Variants in ROBO1 observed in about 807,000 individuals in gnomAD.
ROBO1 encodes the protein roundabout homolog 1.
In ROBO1, 149 loss-of-function variants were observed where a neutral mutation model predicts 195.9. That is an observed-to-expected ratio of 0.76 (90% CI 0.67 to 0.87). The LOEUF (loss-of-function observed/expected upper bound fraction) is 0.87. ROBO1 is among the 40% of genes least tolerant of loss of function. The pLI is 0.00. For missense variants in ROBO1, 1,933 were observed against 2,068.3 expected (o/e 0.93, Z 1.27); for synonymous variants, 816 against 733.2 (o/e 1.11, Z -1.82).
At chr3:79,180,318 C>T (rs1437904391) in intron 2 of ROBO1, among the ~76,000 whole-genome samples, 2 of 152,200 alleles carry the variant, frequency 1.3e-5, no homozygotes, top group Non-Finnish European at 2.9e-5. Context: ...TTATTTCAGG[C>T]ACTGCCATAG....
rs559333582 is a variant in ROBO1 at position 78,810,281 on chromosome 3, T to C, written c.500-63381A>G. On this transcript the variant is annotated intron_variant, in intron 4 of 30. Transcript: ENST00000464233. ...TTTGGCTGGTTCACTCCAAATCAAC[T>C]GTTATCCCTTGTCCAACAACTGCAG... Among the ~76,000 whole-genome samples, 4 of 152,310 alleles carry C rather than the reference T, an allele frequency of 2.6e-5. No homozygotes were observed. The East Asian group carries it at 5.8e-4, about 22-fold the overall frequency.
At chr3:78,621,138 G>GA (rs1575789162) in intron 26 of ROBO1, among the ~76,000 whole-genome samples, 1 of 151,748 alleles carries the variant, frequency 6.6e-6, no homozygotes, top group Non-Finnish European at 1.5e-5. Context: ...GGAGAAATAT[G>GA]AAAAATGTGC....
At chr3:78,723,581 G>C (rs1030726991) in intron 5 of ROBO1, among the ~76,000 whole-genome samples, 6 of 152,010 alleles carry the variant, frequency 3.9e-5, no homozygotes, top group Non-Finnish European at 7.4e-5. Context: ...CTTAATGGAG[G>C]CAATCACCCT....
chr3:79,571,571 C>G (rs903816107), intron 2 of ROBO1, among the ~76,000 whole-genome samples: 1 of 151,918 alleles, frequency 6.6e-6, no homozygotes, highest in African/African-American at 2.4e-5. Flanking sequence ...ATAAAGACAA[C>G]AGATGACTGA....
chr3:79,757,912 T>G (rs1704492394), intron 1 of ROBO1, among the ~76,000 whole-genome samples: 1 of 152,198 alleles, frequency 6.6e-6, no homozygotes, highest in Admixed American at 6.5e-5. Flanking sequence ...ATTTAAAGAA[T>G]TCACCAAAAA....
At chr3:78,878,687 C>T (rs1384968230) in intron 4 of ROBO1, among the ~76,000 whole-genome samples, 1 of 150,040 alleles carries the variant, frequency 6.7e-6, no homozygotes, top group Non-Finnish European at 1.5e-5. Context: ...CTGTCTCAAT[C>T]ATAAAAAAGT....
At chr3:78,782,718 C>T (rs1407711942) in intron 4 of ROBO1, among the ~76,000 whole-genome samples, 1 of 152,138 alleles carries the variant, frequency 6.6e-6, no homozygotes, top group African/African-American at 2.4e-5. Flanking sequence ...AACGACAAAA[C>T]AGATATTTTC....
chr3:79,543,289 A>C (rs1942144522), intron 2 of ROBO1, among the ~76,000 whole-genome samples: 1 of 152,076 alleles, frequency 6.6e-6, no homozygotes, highest in Non-Finnish European at 1.5e-5. Flanking sequence ...CTTTTTTCAA[A>C]GCTCTCGGTT....
intron 2 of ROBO1, among the ~76,000 whole-genome samples, chr3:79,530,737 T>C (rs4395371): frequency 0.66 from 97,505 of 147,588 alleles, 31,908 homozygotes; most frequent in East Asian, 0.69. Flanking sequence ...AAATATTTAA[T>C]TCACCCACAC....
intron 2 of ROBO1, among the ~76,000 whole-genome samples, chr3:79,427,717 T>C (rs971591148): frequency 6.6e-6 from 1 of 152,114 alleles, no homozygotes; most frequent in Non-Finnish European, 1.5e-5. Flanking sequence ...ATAAGTGGTG[T>C]TGGGAAAACT....
At chr3:79,760,408 C>A (rs1194410663) in intron 1 of ROBO1, among the ~76,000 whole-genome samples, 1 of 145,096 alleles carries the variant, frequency 6.9e-6, no homozygotes, top group Non-Finnish European at 1.5e-5. Context: ...CAGTGTATAT[C>A]ATATTTGAAA....
intron 3 of ROBO1, among the ~76,000 whole-genome samples, chr3:79,030,442 T>A (rs2078274380): frequency 6.6e-6 from 1 of 152,224 alleles, no homozygotes; most frequent in African/African-American, 2.4e-5. Context: ...AGTTAAACTT[T>A]AATATACACT....
chr3:79,629,247 T>A (rs768440165), intron 1 of ROBO1, among the ~76,000 whole-genome samples: 17 of 152,146 alleles, frequency 1.1e-4, no homozygotes, highest in Non-Finnish European at 2.2e-4. Context: ...GTCTATATAC[T>A]GTGCCATAAA....
chr3:79,258,706 C>CTCTTAAATAT, intron 2 of ROBO1, among the ~76,000 whole-genome samples: 2 of 152,136 alleles, frequency 1.3e-5, no homozygotes, highest in Non-Finnish European at 2.9e-5. Context: ...GATGTTTAAT[C>CTCTTAAATAT]TCTTAAATAT....
intron 2 of ROBO1, among the ~76,000 whole-genome samples, chr3:79,262,045 C>A (rs771021505): frequency 1.3e-5 from 2 of 152,044 alleles, no homozygotes; most frequent in Non-Finnish European, 2.9e-5. Flanking sequence ...TTGTACAGAT[C>A]TAAGAAACAT....
intron 3 of ROBO1, among the ~76,000 whole-genome samples, chr3:78,986,205 G>T (rs1003626346): frequency 6.6e-6 from 1 of 151,814 alleles, no homozygotes; most frequent in South Asian, 2.1e-4. Flanking sequence ...AAAACGAAAG[G>T]GCTCTAGAAA....
intron 2 of ROBO1, among the ~76,000 whole-genome samples, chr3:79,543,990 A>G (rs114867968): frequency 0.019 from 2,821 of 152,258 alleles, 110 homozygotes; most frequent in African/African-American, 0.063. Context: ...GATTTCAGAA[A>G]GCATGGTAAT....
chr3:78,883,167 CGTT>C (rs2036287193), intron 4 of ROBO1, among the ~76,000 whole-genome samples: 1 of 151,404 alleles, frequency 6.6e-6, no homozygotes, highest in African/African-American at 2.4e-5. Context: ...TGAGACAAGT[CGTT>C]GTGTTTAGTT....
intron 2 of ROBO1, among the ~76,000 whole-genome samples, chr3:79,221,883 A>G (rs2082145616): frequency 6.6e-6 from 1 of 152,090 alleles, no homozygotes; most frequent in African/African-American, 2.4e-5. Context: ...AGAATACTGG[A>G]TAGAAAATGT....
Sources: gnomAD v4.1 joint callset for allele counts (sites outside exome capture counted in the v4.1 genomes callset) on GRCh38, gnomAD v4.1.1 for gene constraint, MANE v1.5 for transcripts, NCBI Gene and HGNC (gene_info 2026-07-23, HGNC 2026-07-21) for gene names.